MRPS9: variants seen among roughly 807,000 people sequenced by gnomAD.
The protein encoded by MRPS9 is mitochondrial ribosomal protein S9, also known as small ribosomal subunit protein uS9m.
Under a neutral mutation model 59.9 loss-of-function variants are expected in MRPS9, and 45 were observed. The observed-to-expected ratio is 0.75, with a 90% CI of 0.59 to 0.96. The LOEUF (loss-of-function observed/expected upper bound fraction) is 0.96, where lower values mean the gene tolerates loss of function less well. Among genes scored for constraint, MRPS9 ranks in the 40% least tolerant of loss-of-function variants. MRPS9 has a pLI of 0.00. For synonymous variants in MRPS9, 171 were observed against 166.8 expected (o/e 1.03, Z -0.19); for missense variants, 473 against 481.1 (o/e 0.98, Z 0.16).
At chr2:105,095,469 T>C (rs1680639194) in intron 9 of MRPS9, among the ~76,000 whole-genome samples, 1 of 151,802 alleles carries the variant, frequency 6.6e-6, no homozygotes, top group Admixed American at 6.6e-5. Flanking sequence ...ATAGTGGAAT[T>C]AGATTTTCAG....
intron 10 of MRPS9, among the ~76,000 whole-genome samples, chr2:105,099,025 T>A (rs1360607867): frequency 1.3e-5 from 2 of 152,226 alleles, no homozygotes; most frequent in African/African-American, 4.8e-5. Context: ...GTTTCCCGTT[T>A]AAACTGACTT....
intron 5 of MRPS9, among the ~76,000 whole-genome samples, chr2:105,086,310 T>C (rs1680443930): frequency 6.6e-6 from 1 of 152,262 alleles, no homozygotes; most frequent in Non-Finnish European, 1.5e-5. Flanking sequence ...GTTTGAAATC[T>C]GACATGTCTT....
At chr2:105,076,814 C>G (rs1449998442) in intron 4 of MRPS9, among the ~76,000 whole-genome samples, 2 of 152,080 alleles carry the variant, frequency 1.3e-5, no homozygotes, top group African/African-American at 4.8e-5. Flanking sequence ...TTGAAACATG[C>G]CAGAGGCCTG....
intron 1 of MRPS9, among the ~76,000 whole-genome samples, chr2:105,039,236 A>G (rs1679456705): frequency 6.6e-6 from 1 of 152,134 alleles, no homozygotes; most frequent in African/African-American, 2.4e-5. Flanking sequence ...ATTTAAAAAA[A>G]AAAACATCTT....
chr2:105,062,328 C>T (rs6721007), intron 2 of MRPS9, among the ~76,000 whole-genome samples: 33,571 of 152,092 alleles, frequency 0.22, 3,774 homozygotes, highest in Middle Eastern at 0.35. Context: ...TAGCAGAGGG[C>T]CTCTGTAGTG....
chr2:105,093,738 T>A, intron 9 of MRPS9, 100 bp downstream of exon 9: 1 of 534,148 alleles, frequency 1.9e-6, no homozygotes, highest in Non-Finnish European at 3.3e-6. Flanking sequence ...TCTGTTTATC[T>A]GAATGATTAT....
chr2:105,088,430 A>G (rs746735000), intron 5 of MRPS9, among the ~76,000 whole-genome samples: 1 of 152,164 alleles, frequency 6.6e-6, no homozygotes, highest in Non-Finnish European at 1.5e-5. Context: ...AGATTTTGTT[A>G]GGAAGTAAAT....
intron 1 of MRPS9, chr2:105,038,497 G>A (rs984270511): frequency 6.8e-5 from 31 of 453,068 alleles, no homozygotes; most frequent in Non-Finnish European, 1.1e-4. Context: ...TTTGGCTGCT[G>A]AGCTAAGTAA....
intron 10 of MRPS9, chr2:105,098,368 G>C (rs562818859): frequency 6.6e-6 from 1 of 152,342 alleles, no homozygotes; most frequent in East Asian, 1.9e-4. Context: ...GGGCAAGTAG[G>C]TTGGTCTCTG....
At chr2:105,095,583 C>T (rs1207149417) in intron 9 of MRPS9, among the ~76,000 whole-genome samples, 5 of 150,960 alleles carry the variant, frequency 3.3e-5, no homozygotes, top group African/African-American at 9.7e-5. Flanking sequence ...CCACAACCTC[C>T]GCCTCCTGGG....
chr2:105,063,294 T>G (rs776045252), intron 2 of MRPS9, among the ~76,000 whole-genome samples: 1 of 152,122 alleles, frequency 6.6e-6, no homozygotes, highest in Non-Finnish European at 1.5e-5. Context: ...AAACAAAAAT[T>G]TATTAAAACA....
chr2:105,086,040 A>AAG (rs1680438595), intron 5 of MRPS9, among the ~76,000 whole-genome samples: 1 of 152,188 alleles, frequency 6.6e-6, no homozygotes, highest in Non-Finnish European at 1.5e-5. Flanking sequence ...TAGAATCTTA[A>AAG]GAGTGGTTTT....
At chr2:105,056,138 C>T (rs1487870997) in intron 2 of MRPS9, among the ~76,000 whole-genome samples, 1 of 150,932 alleles carries the variant, frequency 6.6e-6, no homozygotes, top group Non-Finnish European at 1.5e-5. Context: ...ATCTTGGAGC[C>T]GGATGTACAT....
chr2:105,038,667 A>C (rs1266885066), intron 1 of MRPS9, among the ~76,000 whole-genome samples: 3 of 152,136 alleles, frequency 2.0e-5, no homozygotes, highest in Non-Finnish European at 4.4e-5. Flanking sequence ...TGACTTTTTG[A>C]AAGTGCCTTC....
At chr2:105,043,775 C>T (rs1304693238) in intron 1 of MRPS9, among the ~76,000 whole-genome samples, 66 of 136,708 alleles carry the variant, frequency 4.8e-4, no homozygotes, top group Middle Eastern at 4.9e-3. Flanking sequence ...GCTGGGATTA[C>T]AGGTGCCCAC....
chr2:105,041,796 G>A (rs1178865204), intron 1 of MRPS9, among the ~76,000 whole-genome samples: 1 of 152,074 alleles, frequency 6.6e-6, no homozygotes, highest in East Asian at 1.9e-4. Flanking sequence ...CCCTTTGGTA[G>A]GATAAACTGT....
intron 6 of MRPS9, 38 bp from the exon 7 acceptor site, chr2:105,089,882 G>C: frequency 7.3e-7 from 1 of 1,368,606 alleles, no homozygotes; most frequent in Non-Finnish European, 1.0e-6. Flanking sequence ...CTAATTGCAT[G>C]GCTAATTAAA....
intron 2 of MRPS9, among the ~76,000 whole-genome samples, chr2:105,050,085 A>C (rs1679681864): frequency 6.6e-6 from 1 of 152,148 alleles, no homozygotes. Context: ...ATGGTACTGT[A>C]GTATCACTTT....
intron 9 of MRPS9, 50 bp downstream of exon 9, chr2:105,093,688 A>G (rs749850468): frequency 2.6e-4 from 218 of 846,322 alleles, no homozygotes; most frequent in Middle Eastern, 2.0e-3. Flanking sequence ...ATACTTTATA[A>G]TACATCATGA....
Sources: gnomAD v4.1 joint callset for allele counts (sites outside exome capture counted in the v4.1 genomes callset) on GRCh38, gnomAD v4.1.1 for gene constraint, MANE v1.5 for transcripts, NCBI Gene and HGNC (gene_info 2026-07-23, HGNC 2026-07-21) for gene names.